Variants in TNRC6B observed in about 807,000 individuals in gnomAD.
TNRC6B encodes trinucleotide repeat containing adaptor 6B, also known as trinucleotide repeat-containing gene 6B protein.
In TNRC6B, 52 loss-of-function variants were observed where a neutral mutation model predicts 203.6. The ratio of observed to expected loss-of-function variants is 0.26; its 90% CI spans 0.20 to 0.32. TNRC6B has a LOEUF of 0.32. TNRC6B is among the 10% of genes least tolerant of loss of function. The pLI is 1.00. For synonymous variants in TNRC6B, 838 were observed against 845.7 expected, an observed-to-expected ratio of 0.99 and a Z score of 0.16; for missense variants, 1,923 against 2,286.2, an observed-to-expected ratio of 0.84 and a Z score of 3.24.
intron 10 of TNRC6B, among the ~76,000 whole-genome samples, chr22:40,280,577 A>G (rs1361309183): frequency 2.6e-5 from 4 of 152,198 alleles, no homozygotes; most frequent in Admixed American, 6.5e-5. Flanking sequence ...ACAATGGTAT[A>G]CTTTTCAAAT....
chr22:40,088,810 A>G (rs1238321240), intron 1 of TNRC6B, among the ~76,000 whole-genome samples: 2 of 151,950 alleles, frequency 1.3e-5, no homozygotes, highest in African/African-American at 2.4e-5. Context: ...ATTATGAGAG[A>G]AGGAGGAAGG....
intron 1 of TNRC6B, among the ~76,000 whole-genome samples, chr22:40,090,694 A>G (rs1440078311): frequency 1.3e-5 from 2 of 152,202 alleles, no homozygotes; most frequent in African/African-American, 4.8e-5. Flanking sequence ...AATTATTGAT[A>G]TATTTTATCT....
Position 40,264,856 on chromosome 22 carries a change from A to G in TNRC6B, c.626A>G (p.Glu209Gly). The G allele has an allele frequency of 6.2e-7, 1 of 1,613,900 alleles. No homozygotes were observed. The highest frequency in any genetic ancestry group is 8.5e-7 in the Non-Finnish European group (1 of 1,179,882). Residue 209 changes from glutamate to glycine, a missense_variant, in exon 5 of 23, where the codon GAA (glutamate) becomes GGA (glycine). Physicochemically the swap from Glu to Gly is moderately conservative, Grantham distance 98. Around this residue, in one of 8 missense-constraint regions of TNRC6B, gnomAD observed 614 missense variants for 587.7 expected, o/e 1.04. Transcript: ENST00000454349. ...CCTTGTATTGCCAGCAAAGACACTG[A>G]ATCTTCTTCCGAAAACACCACCGAT... ...EWPCIASKDT[E>G]SSSENTTDNN...
In TNRC6B at chr22:40,325,352, G is replaced by A. The variant is rs2071388656; in HGVS notation, c.*2111G>A. On this transcript the variant is annotated 3_prime_UTR_variant, in exon 23 of 23. Coordinates refer to ENST00000454349, the MANE Select transcript of TNRC6B (RefSeq NM_001162501.2). ...AAAACAAGTTATTTGCATTTCAGTG[G>A]TTTTGTGAGACAAAGAATGGGAAAT... 1.3e-5 allele frequency: 2 copies of A among 152,638 alleles called. No individual in the cohort carries two copies. Among genetic ancestry groups the A allele is most frequent in the African/African-American group, 2.4e-5 (1 of 41,442 alleles). The allele number at this position is 152,638 out of a possible 1,614,324, so 9.5% of individuals were successfully genotyped here. A position where few individuals can be genotyped will look rare whatever the true frequency, so the allele number is the denominator to read the frequency against.
At chr22:40,316,040 G>C (rs756399491) in intron 21 of TNRC6B, 28 bp downstream of exon 21, 1 of 1,594,688 alleles carries the variant, frequency 6.3e-7, no homozygotes, top group South Asian at 1.1e-5. Context: ...CAGTTTTCTA[G>C]ATAGGACTTG....
At chr22:40,195,970 G>A (rs1366192063) in intron 1 of TNRC6B, among the ~76,000 whole-genome samples, 1 of 151,978 alleles carries the variant, frequency 6.6e-6, no homozygotes, top group Non-Finnish European at 1.5e-5. Context: ...TAGTAGACGG[G>A]GTTTCACCGT....
At chr22:40,217,947 T>A (rs1601892616) in intron 1 of TNRC6B, among the ~76,000 whole-genome samples, 1 of 132,036 alleles carries the variant, frequency 7.6e-6, no homozygotes, top group Admixed American at 9.7e-5. Flanking sequence ...CACCCCAACC[T>A]GGGCGACAGA....
At chr22:40,311,058 G>A (rs2071172852) in intron 17 of TNRC6B, 65 bp downstream of exon 17, 1 of 1,487,734 alleles carries the variant, frequency 6.7e-7, no homozygotes, top group Non-Finnish European at 9.1e-7. Context: ...TTCAGGTTCA[G>A]AATACATTGC....
At chr22:40,104,914 A>G (rs962308116) in intron 1 of TNRC6B, among the ~76,000 whole-genome samples, 1 of 152,182 alleles carries the variant, frequency 6.6e-6, no homozygotes, top group Non-Finnish European at 1.5e-5. Context: ...TGGAATTTAG[A>G]CCAATCAGTC....
At chr22:40,318,073 C>G (rs1265496881) in intron 21 of TNRC6B, among the ~76,000 whole-genome samples, 1 of 152,146 alleles carries the variant, frequency 6.6e-6, no homozygotes, top group Non-Finnish European at 1.5e-5. Flanking sequence ...TACGCTAACA[C>G]ATATTATGAT....
Position 40,158,606 on chromosome 22 carries a change from T to A in TNRC6B, c.113+2424T>A, listed in dbSNP as rs955206543. On this transcript the variant is annotated intron_variant, in intron 4 of 23. Transcript: ENST00000301923. ...AAGTTTTATGTTATACAAACTGTAC[T>A]TCTTTGAGAGTTTCAAACAGCCCCA... Among the ~76,000 whole-genome samples the A allele has an allele frequency of 2.6e-5, 4 of 152,208 alleles. No individual in the cohort carries two copies. In the East Asian group the frequency reaches 5.8e-4, roughly 22 times the overall value.
chr22:40,277,977 T>C, intron 8 of TNRC6B, 22 bp from the exon 9 acceptor site: 2 of 1,535,284 alleles, frequency 1.3e-6, no homozygotes, highest in Non-Finnish European at 1.8e-6. Flanking sequence ...TAATTCTCTC[T>C]CATCTGTTCT....
At chr22:40,119,624 G>A (rs1354228294) in intron 2 of TNRC6B, among the ~76,000 whole-genome samples, 3 of 152,172 alleles carry the variant, frequency 2.0e-5, no homozygotes, top group East Asian at 3.9e-4. Flanking sequence ...ACATGCATAC[G>A]TAAACACTTG....
chr22:40,076,687 A>C (rs1337711267), intron 1 of TNRC6B, among the ~76,000 whole-genome samples: 1 of 152,214 alleles, frequency 6.6e-6, no homozygotes, highest in Non-Finnish European at 1.5e-5. Context: ...CACCACAACC[A>C]GCCACTCAAA....
At chr22:40,286,523 A>G (rs2070784804) in intron 12 of TNRC6B, among the ~76,000 whole-genome samples, 1 of 152,176 alleles carries the variant, frequency 6.6e-6, no homozygotes, top group Non-Finnish European at 1.5e-5. Flanking sequence ...AAAAATAGAA[A>G]ATGAGAATTG....
chr22:40,209,936 T>A (rs1158198151), intron 1 of TNRC6B, among the ~76,000 whole-genome samples: 1 of 151,362 alleles, frequency 6.6e-6, no homozygotes, highest in African/African-American at 2.4e-5. Context: ...GAGAATTGCT[T>A]GAACCCAGGA....
At position 40,163,456 on chromosome 22, in the gene TNRC6B, CAAAAAAAAAA is replaced by C. The variant is rs1180212519; in HGVS notation, c.113+7289_113+7298del. On this transcript the variant is annotated intron_variant, in intron 4 of 23. Transcript: ENST00000301923. The stretch of plus-strand genomic sequence containing the variant: ...TAGATGACAGAATGAGACCCTGTCT[CAAAAAAAAAA>C]AAAAAAAAAAAAAAGGCCAGGCACG... 2.9e-4 allele frequency among the ~76,000 whole-genome samples: 2 copies of C among 6,996 alleles called. 1 individual carries two copies. The highest frequency in any genetic ancestry group is 3.7e-3 in the Admixed American group (2 of 538). 4.6% of individuals were successfully genotyped at this position (6,996 alleles called of 152,430 possible).
At chr22:40,274,260 G>A (rs2070606681) in intron 7 of TNRC6B, among the ~76,000 whole-genome samples, 1 of 152,070 alleles carries the variant, frequency 6.6e-6, no homozygotes, top group Admixed American at 6.6e-5. Context: ...TAGATATGTA[G>A]GAGGGAATCC....
chr22:40,177,790 G>C (rs1036085443), upstream of TNRC6B: 16 of 1,248,970 alleles, frequency 1.3e-5, no homozygotes, highest in Non-Finnish European at 1.4e-5. Context: ...TTTCACAAAT[G>C]AAAGTGAGTG....
Sources: allele counts gnomAD v4.1 joint callset (sites outside exome capture counted in the v4.1 genomes callset), GRCh38; gene constraint gnomAD v4.1.1; regional missense constraint gnomAD v4.1.1; transcripts MANE v1.5; gene names NCBI Gene and HGNC (gene_info 2026-07-23, HGNC 2026-07-21).